The following RBFOX1 variants were observed in gnomAD, a reference collection of about 807,000 sequenced individuals.
The protein encoded by RBFOX1 is RNA binding fox-1 homolog 1, also known as RNA binding protein fox-1 homolog 1.
A neutral mutation model predicts 57.7 loss-of-function variants in RBFOX1; 8 were observed. That is an observed-to-expected ratio of 0.14 (90% CI 0.08 to 0.25). The LOEUF is 0.25. Among genes scored for constraint, RBFOX1 ranks in the 10% least tolerant of loss-of-function variants. RBFOX1 has a pLI of 1.00. For missense variants in RBFOX1, 611 were observed against 548.5 expected (o/e 1.11, Z -1.14); for synonymous variants, 326 against 222.4 (o/e 1.47, Z -4.15).
At chr16:5,918,853 CTT>C (rs1035289465) in intron 4 of RBFOX1, among the ~76,000 whole-genome samples, 2 of 152,190 alleles carry the variant, frequency 1.3e-5, no homozygotes, top group Non-Finnish European at 2.9e-5. Context: ...CAACACTTGA[CTT>C]TTCCTGGGAA....
At chr16:6,595,084 G>A (rs1279128706) in intron 2 of RBFOX1, among the ~76,000 whole-genome samples, 1 of 152,124 alleles carries the variant, frequency 6.6e-6, no homozygotes, top group African/African-American at 2.4e-5. Flanking sequence ...ACCGCACCTG[G>A]CCTTCCGTGG....
chr16:6,791,908 C>G (rs1174467913), intron 3 of RBFOX1, among the ~76,000 whole-genome samples: 1 of 152,072 alleles, frequency 6.6e-6, no homozygotes, highest in African/African-American at 2.4e-5. Flanking sequence ...AGTTATCTAA[C>G]ACAGAGAGAG....
At chr16:7,179,892 G>A (rs2082361276) in intron 4 of RBFOX1, among the ~76,000 whole-genome samples, 1 of 151,374 alleles carries the variant, frequency 6.6e-6, no homozygotes, top group South Asian at 2.1e-4. Flanking sequence ...CTGCCACCAC[G>A]TCCAGCTAAT....
At chr16:6,020,249 C>G (rs1250143125) in intron 1 of RBFOX1, among the ~76,000 whole-genome samples, 1 of 152,004 alleles carries the variant, frequency 6.6e-6, no homozygotes, top group East Asian at 2.0e-4. Context: ...CCCAGAGCGC[C>G]CCTCCGAAGC....
At chr16:7,073,851 T>C (rs959960459) in intron 4 of RBFOX1, among the ~76,000 whole-genome samples, 2 of 151,908 alleles carry the variant, frequency 1.3e-5, no homozygotes, top group African/African-American at 4.8e-5. Flanking sequence ...AGCAAGGCAT[T>C]GTCTCATAAA....
chr16:7,573,279 G>C (rs1183132103), intron 5 of RBFOX1, among the ~76,000 whole-genome samples: 1 of 152,138 alleles, frequency 6.6e-6, no homozygotes, highest in African/African-American at 2.4e-5. Flanking sequence ...GACAATGGGA[G>C]ACAGGCAGCA....
At position 6,082,233 on chromosome 16, in the gene RBFOX1, T is replaced by G. The variant is rs1161713089; in HGVS notation, c.-127+62241T>G. 2.8e-5 allele frequency among the ~76,000 whole-genome samples: 4 copies of G among 142,832 alleles called. No individual in the cohort carries two copies. In the East Asian group the frequency reaches 6.2e-4, roughly 22 times the overall value. The allele number at this position is 142,832 out of a possible 152,430, so 93.7% of individuals were successfully genotyped here. On this transcript the variant is annotated intron_variant, in intron 1 of 15. Transcript: ENST00000550418. ...CCTTACTCTGTCACCCAGGCTGGAGTGTAGTGGTGCAATCTCGGCTCATTG... is the reference window on the plus strand; with the variant it reads ...CCTTACTCTGTCACCCAGGCTGGAGGGTAGTGGTGCAATCTCGGCTCATTG...
At chr16:5,726,420 C>G (rs1273014913) in intron 3 of RBFOX1, among the ~76,000 whole-genome samples, 1 of 152,180 alleles carries the variant, frequency 6.6e-6, no homozygotes, top group Non-Finnish European at 1.5e-5. Context: ...CCCTAGACAA[C>G]AACCCCTCCA....
chr16:5,785,760 C>T (rs1328132366), intron 3 of RBFOX1, among the ~76,000 whole-genome samples: 1 of 152,138 alleles, frequency 6.6e-6, no homozygotes, highest in Non-Finnish European at 1.5e-5. Context: ...CTCCCGACCT[C>T]AGGTGATCCA....
intron 3 of RBFOX1, among the ~76,000 whole-genome samples, chr16:5,750,288 C>T (rs748806845): frequency 1.3e-5 from 2 of 152,198 alleles, no homozygotes; most frequent in African/African-American, 2.4e-5. Flanking sequence ...TGTGGGGGTG[C>T]CTCCCAGTTA....
At chr16:5,557,147 C>A (rs182304127) in intron 2 of RBFOX1, among the ~76,000 whole-genome samples, 2 of 151,968 alleles carry the variant, frequency 1.3e-5, no homozygotes, top group African/African-American at 4.8e-5. Context: ...GTAGTCCCAG[C>A]TACTCAGGAG....
intron 1 of RBFOX1, among the ~76,000 whole-genome samples, chr16:5,437,393 C>T (rs1002631566): frequency 6.6e-6 from 1 of 152,074 alleles, no homozygotes; most frequent in African/African-American, 2.4e-5. Flanking sequence ...CTTAAAGAGA[C>T]CTTGAACCAG....
intron 2 of RBFOX1, among the ~76,000 whole-genome samples, chr16:6,438,444 C>G (rs1303014584): frequency 2.0e-5 from 3 of 152,164 alleles, no homozygotes; most frequent in Admixed American, 6.5e-5. Flanking sequence ...ATCCTGTAGC[C>G]TCTTGGTTTC....
intron 4 of RBFOX1, among the ~76,000 whole-genome samples, chr16:7,401,439 G>C (rs990316707): frequency 1.3e-5 from 2 of 152,094 alleles, no homozygotes; most frequent in Admixed American, 1.3e-4. Flanking sequence ...GCCATAGATG[G>C]GATGGCTGTA....
chr16:7,022,446 T>G (rs1054749060), intron 3 of RBFOX1, among the ~76,000 whole-genome samples: 1 of 152,202 alleles, frequency 6.6e-6, no homozygotes, highest in Admixed American at 6.5e-5. Flanking sequence ...CACATTTCCC[T>G]CTGTCTCTCT....
intron 10 of RBFOX1, 98 bp downstream of exon 10, chr16:7,607,436 T>A: frequency 9.3e-7 from 1 of 1,073,766 alleles, no homozygotes; most frequent in Non-Finnish European, 1.4e-6. Flanking sequence ...CTGAAGCAAG[T>A]GAATTCCTAT....
rs148731520 is a variant in RBFOX1 at position 7,437,873 on chromosome 16, A to T, written c.28-80274A>T. On this transcript the variant is annotated intron_variant, in intron 4 of 15. Coordinates refer to ENST00000550418, the MANE Select transcript of RBFOX1 (RefSeq NM_018723.4). ...CCATTGGAAGCAAAGTCAGAAAAAA[A>T]AAATGAATATAGGGTCATATTAGAC... 1.7e-3 allele frequency among the ~76,000 whole-genome samples: 251 copies of T among 152,074 alleles called. No homozygotes were observed. In the Middle Eastern group the frequency reaches 0.02, roughly 12 times the overall value.
chr16:6,944,470 A>G (rs747492524), intron 3 of RBFOX1, among the ~76,000 whole-genome samples: 19 of 152,074 alleles, frequency 1.2e-4, no homozygotes, highest in Non-Finnish European at 2.4e-4. Flanking sequence ...CCTGCCTTAC[A>G]TGACTTATCT....
At chr16:6,758,684 G>A (rs1276897638) in intron 3 of RBFOX1, among the ~76,000 whole-genome samples, 1 of 152,150 alleles carries the variant, frequency 6.6e-6, no homozygotes, top group Non-Finnish European at 1.5e-5. Flanking sequence ...CACCAATTTA[G>A]TAATTTCTAA....
Sources: gnomAD v4.1 joint callset for allele counts (sites outside exome capture counted in the v4.1 genomes callset) on GRCh38, gnomAD v4.1.1 for gene constraint, MANE v1.5 for transcripts, NCBI Gene and HGNC (gene_info 2026-07-23, HGNC 2026-07-21) for gene names.